The following CROCC2 variants were observed in gnomAD, a reference collection of about 807,000 sequenced individuals.
The protein encoded by CROCC2 is ciliary rootlet coiled-coil protein 2.
In CROCC2, 163 loss-of-function variants were observed where a neutral mutation model predicts 177.6. The ratio of observed to expected loss-of-function variants is 0.92; its 90% CI spans 0.81 to 1.05. The LOEUF is 1.05. Among genes scored for constraint, CROCC2 ranks in the 50% least tolerant of loss-of-function variants. The pLI is 0.00. For missense variants in CROCC2, 1,929 were observed against 1,797.8 expected (o/e 1.07, Z -1.32); for synonymous variants, 904 against 787.3 (o/e 1.15, Z -2.48).
At position 240,932,784 on chromosome 2, in the gene CROCC2, G is replaced by A; in HGVS notation, c.1127G>A (p.Ser376Asn). 1.4e-6 allele frequency: 2 copies of A among 1,411,866 alleles called. No individual in the cohort carries two copies. Among genetic ancestry groups the A allele is most frequent in the Non-Finnish European group, 2.0e-6 (2 of 1,022,012 alleles). 87.5% of individuals were successfully genotyped at this position (1,411,866 alleles called of 1,614,324 possible). A position where few individuals can be genotyped will look rare whatever the true frequency, so the allele number is the denominator to read the frequency against. Residue 376 changes from serine (S) to asparagine (N), a missense_variant, in exon 9 of 32, where the codon AGC (serine) becomes AAC (asparagine). Around this residue, in one of 3 missense-constraint regions of CROCC2, gnomAD observed 1,397 missense variants for 1,239.9 expected, o/e 1.13. Transcript: ENST00000690015. ...GGGGAGCCACGGCGCCCACTGAGGA[G>A]CCCCCAACGTGCCACATCCCCCCAT... ...ELGEPRRPLR[S>N]PQRATSPHQG... is the part of the protein sequence containing the mutation.
intron 30 of CROCC2, 134 bp from the exon 31 acceptor site, chr2:240,991,062 C>A (rs2059876149): frequency 6.9e-6 from 4 of 579,062 alleles, no homozygotes; most frequent in African/African-American, 3.8e-5. Context: ...CTGTCCCATG[C>A]ATGCCACCTC....
In CROCC2 at chr2:240,973,842, CT is replaced by C. The variant is rs1045577636; in HGVS notation, c.4401+5583del. Among the ~76,000 whole-genome samples, 1 of 152,178 alleles carries C rather than the reference CT, an allele frequency of 6.6e-6. No individual in the cohort carries two copies. The highest frequency in any genetic ancestry group is 2.4e-5 in the African/African-American group (1 of 41,434). On this transcript the variant is annotated intron_variant, in intron 27 of 31. Transcript: ENST00000690015. The surrounding 1 kb of genome is among the most constrained non-coding windows in gnomAD (Gnocchi z 4.7). ...TTATTTTATAAAATGAGTTGGTGGG[CT>C]TTCCACTTTTTCCATCACCTGGAAC...
At chr2:240,985,539 CCA>C (rs1177567848) in intron 28 of CROCC2, among the ~76,000 whole-genome samples, 6 of 110,302 alleles carry the variant, frequency 5.4e-5, no homozygotes, top group Admixed American at 9.1e-5. Flanking sequence ...GGCACTCACT[CCA>C]CACACACACA....
Position 240,950,380 on chromosome 2 carries a change from G to A in CROCC2, c.2699G>A (p.Cys900Tyr). The A allele has an allele frequency of 6.5e-7, 1 of 1,550,304 alleles. No homozygotes were observed. The highest frequency in any genetic ancestry group is 2.0e-5 in the Admixed American group (1 of 50,986). ...GCAGAGGAGAAGGAGGTAGCCAGAT[G>A]CCAGCTGGAGCAGGAGAAGGAGCTG... The part of the protein sequence containing the change: ...TLAEEKEVAR[C>Y]QLEQEKELVT... Residue 900 changes from cysteine (C) to tyrosine (Y), a missense_variant, in exon 18 of 32, where the codon TGC (cysteine) becomes TAC (tyrosine). This residue lies in a region of CROCC2 where 1,397 missense variants were observed against 1,239.9 expected (regional missense o/e 1.13). Coordinates refer to ENST00000690015, the MANE Select transcript of CROCC2 (RefSeq NM_001351305.2).
In CROCC2 at chr2:240,919,977, G is replaced by A. The variant is rs771067221; in HGVS notation, c.230-6G>A. On this transcript the variant is annotated splice_polypyrimidine_tract_variant and splice_region_variant and intron_variant, in intron 2 of 31. Transcript: ENST00000690015. ...GGCCACCCAGGCTGACCCAGGTACC[G>A]TGCAGCAGGGGTACAGGAGCCGACA... The A allele has an allele frequency of 2.8e-5, 19 of 684,088 alleles. No homozygotes were observed. Among genetic ancestry groups the A allele is most frequent in the South Asian group, 8.9e-5 (6 of 67,150 alleles). The allele number at this position is 684,088 out of a possible 1,614,324, so 42.4% of individuals were successfully genotyped here. A position where few individuals can be genotyped will look rare whatever the true frequency, so the allele number is the denominator to read the frequency against.
intron 14 of CROCC2, among the ~76,000 whole-genome samples, 180 bp downstream of exon 14, chr2:240,935,768 G>A (rs2059465681): frequency 6.8e-6 from 1 of 147,184 alleles, no homozygotes; most frequent in Admixed American, 6.7e-5. Context: ...GGGAAGGTAT[G>A]CAGAGAAGAA....
At chr2:240,942,511 GT>G (rs933913685) in intron 14 of CROCC2, among the ~76,000 whole-genome samples, 1 of 151,840 alleles carries the variant, frequency 6.6e-6, no homozygotes, top group African/African-American at 2.4e-5. Flanking sequence ...AATATTGTTT[GT>G]TTTTTTATTA....
intron 14 of CROCC2, among the ~76,000 whole-genome samples, chr2:240,943,861 G>T (rs1470794274): frequency 3.3e-5 from 5 of 152,128 alleles, no homozygotes; most frequent in African/African-American, 1.2e-4. Flanking sequence ...GAAATCTGTT[G>T]TATTCATAGA....
intron 27 of CROCC2, among the ~76,000 whole-genome samples, chr2:240,969,458 G>A (rs2059706971): frequency 6.6e-6 from 1 of 152,208 alleles, no homozygotes; most frequent in Non-Finnish European, 1.5e-5. Flanking sequence ...CCAGCAGTTT[G>A]GAAATTTCTG....
At chr2:240,951,437 T>C (rs916160309) in intron 18 of CROCC2, among the ~76,000 whole-genome samples, 6 of 152,072 alleles carry the variant, frequency 3.9e-5, no homozygotes, top group Non-Finnish European at 5.9e-5. Context: ...TATCCACCCA[T>C]CCATCCATGC....
At position 240,964,565 on chromosome 2, in the gene CROCC2, G is replaced by A. The variant is rs1171799012; in HGVS notation, c.3405G>A (p.Leu1135=). ...AGGCCAGTGCACTGCGGGCCCACCT[G>A]TGGGAGCTGGAGCAGGCAGGGGGGG... ...QQEASALRAH[L]WELEQAGGDA... Residue 1135 remains leucine, a synonymous_variant, in exon 22 of 32, where the codon CTG becomes CTA. Coordinates refer to ENST00000690015, the MANE Select transcript of CROCC2 (RefSeq NM_001351305.2). 1 of 1,549,660 alleles carries A rather than the reference G, an allele frequency of 6.5e-7. No individual in the cohort carries two copies.
chr2:240,983,382 G>A (rs768953471), intron 28 of CROCC2: 11 of 1,291,556 alleles, frequency 8.5e-6, no homozygotes, highest in East Asian at 5.8e-5. Context: ...TCAGAAACTC[G>A]GGCCCTCCCA....
Position 240,958,636 on chromosome 2 carries a change from G to C in CROCC2, c.2944-665G>C, listed in dbSNP as rs74001708. On this transcript the variant is annotated intron_variant, in intron 19 of 31. Coordinates refer to ENST00000690015, the MANE Select transcript of CROCC2 (RefSeq NM_001351305.2). The surrounding 1 kb of genome is among the most constrained non-coding windows in gnomAD (Gnocchi z 6.7). ...TTGGTCCAGTCCCCTGAACCCAGGG[G>C]TGCAGAGCCTGAGCAGGGCAGGGCT... is the stretch of plus-strand genomic sequence containing the variant. The C allele has an allele frequency of 9.2e-6, 9 of 978,072 alleles. No individual in the cohort carries two copies. In the South Asian group the frequency reaches 2.8e-4, roughly 31 times the overall value. The allele number at this position is 978,072 out of a possible 1,614,324, so 60.6% of individuals were successfully genotyped here.
At chr2:240,907,176 C>T (rs1427214390) in intron 1 of CROCC2, among the ~76,000 whole-genome samples, 1 of 152,184 alleles carries the variant, frequency 6.6e-6, no homozygotes, top group African/African-American at 2.4e-5. Flanking sequence ...CATCGCTGCA[C>T]ATTTGTGGGA....
intron 1 of CROCC2, among the ~76,000 whole-genome samples, chr2:240,912,068 T>A (rs774646854): frequency 6.6e-5 from 10 of 152,218 alleles, no homozygotes; most frequent in Non-Finnish European, 1.5e-4. Flanking sequence ...CCTGTCATGC[T>A]GTCTTCCGTA....
rs775238417 is a variant in CROCC2, at chr2:240,972,397, TCCA to T, written c.4401+4138_4401+4140del. On this transcript the variant is annotated intron_variant, in intron 27 of 31. Coordinates refer to ENST00000690015, the MANE Select transcript of CROCC2 (RefSeq NM_001351305.2). This position sits in a 1 kb window ranked among gnomAD's most constrained non-coding sequence, Gnocchi z 7.1. ...CCGGTGCACGGTCACGGTGCGGTCC[TCCA>T]CCTCCCCAGCTGCTTGCCTCACAGG... is the stretch of plus-strand genomic sequence containing the variant. Among the ~76,000 whole-genome samples the T allele has an allele frequency of 1.4e-4, 18 of 127,536 alleles. No homozygotes were observed. Among genetic ancestry groups the T allele is most frequent in the Admixed American group, 3.5e-4 (4 of 11,590 alleles). 83.7% of individuals were successfully genotyped at this position (127,536 alleles called of 152,430 possible).
intron 28 of CROCC2, among the ~76,000 whole-genome samples, chr2:240,987,696 G>A (rs1343754843): frequency 6.6e-5 from 10 of 152,250 alleles, no homozygotes. Context: ...GCCAGGGCCA[G>A]CACCCGACAG....
intron 25 of CROCC2, among the ~76,000 whole-genome samples, chr2:240,966,961 G>A (rs2059688156): frequency 6.6e-6 from 1 of 151,878 alleles, no homozygotes; most frequent in South Asian, 2.1e-4. Flanking sequence ...TCCCACCGCT[G>A]CCAGCCCCAG....
chr2:240,964,265 G>A, intron 21 of CROCC2: 2 of 626,082 alleles, frequency 3.2e-6, no homozygotes, highest in East Asian at 5.5e-5. Flanking sequence ...ATAGTGGACA[G>A]GGGCCATGCG....
Sources: allele counts gnomAD v4.1 joint callset (sites outside exome capture counted in the v4.1 genomes callset), GRCh38; gene constraint gnomAD v4.1.1; regional missense constraint gnomAD v4.1.1; non-coding constraint Gnocchi (gnomAD v3.1); transcripts MANE v1.5; gene names NCBI Gene and HGNC (gene_info 2026-07-23, HGNC 2026-07-21).